Variants in ZSWIM6 observed in about 807,000 individuals in gnomAD.
ZSWIM6 encodes zinc finger SWIM-type containing 6.
Under a neutral mutation model 113.2 loss-of-function variants are expected in ZSWIM6, and 9 were observed. The observed-to-expected ratio is 0.08, with a 90% CI of 0.05 to 0.14. The LOEUF is 0.14. Among genes scored for constraint, ZSWIM6 ranks in the 10% least tolerant of loss-of-function variants. ZSWIM6 has a pLI of 1.00. For missense variants in ZSWIM6, 1,162 were observed against 1,552.2 expected (o/e 0.75, Z 4.22); for synonymous variants, 611 against 606.5 (o/e 1.01, Z -0.11).
chr5:61,522,090 T>TTG (rs1554040134), intron 5 of ZSWIM6, among the ~76,000 whole-genome samples: 51 of 142,070 alleles, frequency 3.6e-4, no homozygotes, highest in Non-Finnish European at 7.4e-4. Flanking sequence ...GTTTTTTTTG[T>TTG]TTGTTTTTTT....
intron 1 of ZSWIM6, among the ~76,000 whole-genome samples, chr5:61,345,002 T>C (rs1744626233): frequency 6.6e-6 from 1 of 152,192 alleles, no homozygotes; most frequent in South Asian, 2.1e-4. Context: ...GGAGAAAGAT[T>C]TAAGAATTGT....
intron 1 of ZSWIM6, among the ~76,000 whole-genome samples, chr5:61,437,698 C>T (rs564054339): frequency 1.6e-4 from 19 of 121,434 alleles, no homozygotes; most frequent in Non-Finnish European, 2.4e-4. Flanking sequence ...GTCTGGTTGA[C>T]AGAACCAGAC....
At chr5:61,516,697 T>C (rs1439975439) in intron 4 of ZSWIM6, among the ~76,000 whole-genome samples, 2 of 151,800 alleles carry the variant, frequency 1.3e-5, no homozygotes, top group East Asian at 3.8e-4. Flanking sequence ...TTTAAAGAAC[T>C]TAAAAGTCAA....
At chr5:61,424,885 G>A (rs1015086215) in intron 1 of ZSWIM6, among the ~76,000 whole-genome samples, 2 of 151,802 alleles carry the variant, frequency 1.3e-5, no homozygotes, top group South Asian at 2.1e-4. Context: ...CCGCCACCAC[G>A]CCCGTCTAAT....
intron 1 of ZSWIM6, among the ~76,000 whole-genome samples, chr5:61,471,928 T>TTGTG (rs111311363): frequency 0.15 from 22,499 of 150,090 alleles, 1,855 homozygotes; most frequent in Admixed American, 0.22. Context: ...TACCGTGTAT[T>TTGTG]TGTGTGTGTG....
At chr5:61,398,135 C>T (rs979488451) in intron 1 of ZSWIM6, among the ~76,000 whole-genome samples, 11 of 152,114 alleles carry the variant, frequency 7.2e-5, no homozygotes, top group Non-Finnish European at 1.5e-4. Context: ...AGCAGGGGTC[C>T]CCAACCCCTG....
intron 1 of ZSWIM6, among the ~76,000 whole-genome samples, chr5:61,398,969 C>G (rs1211479405): frequency 8.3e-6 from 1 of 120,194 alleles, no homozygotes; most frequent in Non-Finnish European, 1.6e-5. Flanking sequence ...GTCACCCAGG[C>G]TGGAGTGCAG....
At chr5:61,369,994 C>T (rs1187859543) in intron 1 of ZSWIM6, among the ~76,000 whole-genome samples, 1 of 152,102 alleles carries the variant, frequency 6.6e-6, no homozygotes, top group African/African-American at 2.4e-5. Context: ...ATGGAACATT[C>T]CAACTTAAAA....
At chr5:61,487,167 ATTC>A (rs1390368972) in intron 2 of ZSWIM6, among the ~76,000 whole-genome samples, 1 of 151,902 alleles carries the variant, frequency 6.6e-6, no homozygotes, top group Non-Finnish European at 1.5e-5. Flanking sequence ...CCTAGTGTAT[ATTC>A]TTGTGAATTT....
At chr5:61,374,806 C>G (rs1303514275) in intron 1 of ZSWIM6, among the ~76,000 whole-genome samples, 1 of 152,152 alleles carries the variant, frequency 6.6e-6, no homozygotes, top group Non-Finnish European at 1.5e-5. Context: ...CCGCCCGCCT[C>G]GGCCTCCCAA....
At chr5:61,373,004 T>G (rs1745298510) in intron 1 of ZSWIM6, among the ~76,000 whole-genome samples, 1 of 152,196 alleles carries the variant, frequency 6.6e-6, no homozygotes, top group African/African-American at 2.4e-5. Context: ...AATAAAAATA[T>G]TACCTCTTTG....
intron 1 of ZSWIM6, among the ~76,000 whole-genome samples, chr5:61,429,058 C>T (rs1158020477): frequency 6.6e-6 from 1 of 152,200 alleles, no homozygotes; most frequent in Non-Finnish European, 1.5e-5. Context: ...ACATTTTTAT[C>T]ATTTTATGTA....
intron 1 of ZSWIM6, among the ~76,000 whole-genome samples, chr5:61,363,821 T>TTTCC (rs759175759): frequency 6.6e-6 from 1 of 151,856 alleles, no homozygotes; most frequent in African/African-American, 2.4e-5. Context: ...GGATAGTTTG[T>TTTCC]TTCCTTCCTT....
chr5:61,387,677 C>T (rs767723401), intron 1 of ZSWIM6, among the ~76,000 whole-genome samples: 11 of 151,896 alleles, frequency 7.2e-5, no homozygotes, highest in South Asian at 2.1e-4. Flanking sequence ...GAGGCCGAGG[C>T]GGGCAGATCA....
At chr5:61,334,893 GT>G (rs35540222) in intron 1 of ZSWIM6, among the ~76,000 whole-genome samples, 10,900 of 143,664 alleles carry the variant, frequency 0.076, 451 homozygotes, top group South Asian at 0.2. Context: ...AATGTTGAGG[GT>G]TTTTTTTTTT....
At chr5:61,534,720 G>C (rs1749530710) in intron 9 of ZSWIM6, among the ~76,000 whole-genome samples, 1 of 152,040 alleles carries the variant, frequency 6.6e-6, no homozygotes. Flanking sequence ...AGCATTCAGG[G>C]AGCACACAGG....
intron 1 of ZSWIM6, among the ~76,000 whole-genome samples, chr5:61,417,820 A>T (rs1167874253): frequency 6.6e-6 from 1 of 152,198 alleles, no homozygotes; most frequent in Non-Finnish European, 1.5e-5. Flanking sequence ...TTTAAAGCAG[A>T]TTGTACATAT....
chr5:61,379,581 CTT>C, intron 1 of ZSWIM6, among the ~76,000 whole-genome samples: 1 of 152,162 alleles, frequency 6.6e-6, no homozygotes, highest in East Asian at 1.9e-4. Flanking sequence ...AGTGAGGATC[CTT>C]TTTTCTAGTG....
chr5:61,367,261 C>CT (rs1004835035), intron 1 of ZSWIM6, among the ~76,000 whole-genome samples: 11 of 151,064 alleles, frequency 7.3e-5, no homozygotes, highest in Non-Finnish European at 1.2e-4. Context: ...TTTTCTTTTT[C>CT]TTTTTTTTTA....
Sources: allele counts gnomAD v4.1 joint callset (sites outside exome capture counted in the v4.1 genomes callset), GRCh38; gene constraint gnomAD v4.1.1; transcripts MANE v1.5; gene names NCBI Gene and HGNC (gene_info 2026-07-23, HGNC 2026-07-21).